The following ARRDC5 variants were observed in gnomAD, a reference collection of about 807,000 sequenced individuals.
ARRDC5 encodes arrestin domain-containing protein 5.
ARRDC5 carries 12 observed loss-of-function variants against 13.3 expected under a neutral mutation model. That is an observed-to-expected ratio of 0.90 (90% CI 0.58 to 1.46). The LOEUF (loss-of-function observed/expected upper bound fraction) is 1.46. Among genes scored for constraint, ARRDC5 ranks in the 40% most tolerant of loss-of-function variants. The probability of loss-of-function intolerance (pLI) is 0.00; values close to 1 mark genes in which losing one functional copy is unlikely to be tolerated. For missense variants in ARRDC5, 406 were observed against 418.7 expected (o/e 0.97, Z 0.26); for synonymous variants, 181 against 173.4 (o/e 1.04, Z -0.34).
the ARRDC5 span, chr19:4,910,823 G>C: frequency 6.5e-7 from 1 of 1,532,990 alleles, no homozygotes; most frequent in Non-Finnish European, 8.8e-7. Context: ...AGCATGGCAT[G>C]GCTCAGAGGT....
At chr19:4,916,195 A>G in the ARRDC5 span, among the ~76,000 whole-genome samples, 2 of 151,880 alleles carry the variant, frequency 1.3e-5, no homozygotes, top group African/African-American at 4.8e-5. Flanking sequence ...AGTCCTAGCT[A>G]CTCGGGAGGC....
chr19:4,911,411 G>A, the ARRDC5 span, among the ~76,000 whole-genome samples: 1 of 152,144 alleles, frequency 6.6e-6, no homozygotes, highest in African/African-American at 2.4e-5. Flanking sequence ...AGGACGGAGG[G>A]GACCAGGTTT....
At chr19:4,900,937 T>C (rs924700499) in intron 1 of ARRDC5, among the ~76,000 whole-genome samples, 3 of 151,796 alleles carry the variant, frequency 2.0e-5, no homozygotes, top group Non-Finnish European at 4.4e-5. Flanking sequence ...GACAATCGGT[T>C]GAACCCAGGA....
At chr19:4,907,956 C>A in the ARRDC5 span, among the ~76,000 whole-genome samples, 94 of 152,042 alleles carry the variant, frequency 6.2e-4, no homozygotes, top group East Asian at 0.017. Context: ...AGGTGATCTG[C>A]CTGCCTCGGC....
At chr19:4,898,665 C>CTTTTTTTTTTTTTTT (rs71170878) in intron 1 of ARRDC5, among the ~76,000 whole-genome samples, 8 of 130,584 alleles carry the variant, frequency 6.1e-5, no homozygotes, top group Admixed American at 8.3e-5. Flanking sequence ...CGGGCTTGGC[C>CTTTTTTTTTTTTTTT]TTTTTTTTTT....
At position 4,891,040 on chromosome 19, in the gene ARRDC5, G is replaced by A. The variant is rs771529783; in HGVS notation, c.*6C>T. The A allele has an allele frequency of 7.7e-5, 124 of 1,602,902 alleles. No homozygotes were observed. The highest frequency in any genetic ancestry group is 8.7e-5 in the Non-Finnish European group (102 of 1,175,288). ...TAAAGCTTTTAATATTTAAAAGTTC[G>A]GGCACTTAATTCTGGTGATCTGGGT... On this transcript the variant is annotated 3_prime_UTR_variant, in exon 3 of 3. Transcript: ENST00000650722.
upstream of ARRDC5, among the ~76,000 whole-genome samples, chr19:4,905,108 CTTTTTTTTTTTTTTTT>C (rs61443004): frequency 1.1e-5 from 1 of 95,192 alleles, no homozygotes; most frequent in African/African-American, 5.1e-5. Flanking sequence ...CGTAAACTTT[CTTTTTTTTTTTTTTTT>C]TTTTTTTTTT....
At chr19:4,907,954 T>C in the ARRDC5 span, among the ~76,000 whole-genome samples, 1 of 151,980 alleles carries the variant, frequency 6.6e-6, no homozygotes, top group East Asian at 1.9e-4. Context: ...TCAGGTGATC[T>C]GCCTGCCTCG....
chr19:4,896,273 C>CA (rs148493580), intron 2 of ARRDC5, among the ~76,000 whole-genome samples: 34,328 of 141,916 alleles, frequency 0.24, 4,839 homozygotes, highest in East Asian at 0.58. Context: ...CGAGATCATG[C>CA]CTCTGCACTT....
the ARRDC5 span, among the ~76,000 whole-genome samples, chr19:4,916,021 A>C: frequency 6.6e-6 from 1 of 151,956 alleles, no homozygotes; most frequent in Non-Finnish European, 1.5e-5. Context: ...AGTGTGTTAG[A>C]AGTTGAGGCC....
At chr19:4,911,044 C>T in the ARRDC5 span, 1 of 1,576,888 alleles carries the variant, frequency 6.3e-7, no homozygotes, top group African/African-American at 1.4e-5. Flanking sequence ...AACAGGTACA[C>T]CCGCCGCCAG....
chr19:4,909,181 C>A, the ARRDC5 span: 1 of 393,916 alleles, frequency 2.5e-6, no homozygotes, highest in East Asian at 4.7e-5. Context: ...TGGGGGGCTG[C>A]GAACGGACTT....
chr19:4,891,144 T>C lies in ARRDC5; in HGVS notation c.889A>G (p.Lys297Glu), dbSNP rs756973291. The C allele has an allele frequency of 3.7e-6, 6 of 1,613,860 alleles. No individual in the cohort carries two copies. The highest frequency in any genetic ancestry group is 4.2e-6 in the Non-Finnish European group (5 of 1,179,886). The change falls in exon 3 of 3, where the codon AAA (lysine) becomes GAA (glutamate). Residue 297 changes from lysine (K) to glutamate (E), a missense_variant. Transcript: ENST00000650722. ...GCGCTGGTGATGATGATGGGAACTT[T>C]GGCCTTGAGGCTGGTCAGGGACCAG... ...LPWSLTSLKA[K>E]VPIIITSASV... is the part of the protein sequence containing the mutation.
At chr19:4,911,188 A>C in the ARRDC5 span, 1 of 721,558 alleles carries the variant, frequency 1.4e-6, no homozygotes, top group Non-Finnish European at 2.1e-6. Context: ...GTCCACAGAA[A>C]CCTCAAATGC....
At chr19:4,909,676 G>A in the ARRDC5 span, 1 of 521,530 alleles carries the variant, frequency 1.9e-6, no homozygotes. Flanking sequence ...GGGCCGGGTC[G>A]GGGTGCCAGC....
the ARRDC5 span, chr19:4,909,177 G>A: frequency 5.2e-6 from 2 of 386,800 alleles, no homozygotes; most frequent in African/African-American, 2.1e-5. Context: ...CGAGTGGGGG[G>A]CTGCGAACGG....
upstream of ARRDC5, among the ~76,000 whole-genome samples, chr19:4,905,108 C>CTTTT (rs61443004): frequency 2.2e-4 from 21 of 95,186 alleles, 1 homozygote; most frequent in Non-Finnish European, 3.6e-4. Context: ...CGTAAACTTT[C>CTTTT]TTTTTTTTTT....
chr19:4,909,948 G>A, the ARRDC5 span, among the ~76,000 whole-genome samples: 1 of 151,112 alleles, frequency 6.6e-6, no homozygotes, highest in Non-Finnish European at 1.5e-5. Flanking sequence ...CTGCGCGCGG[G>A]GCGCCCCGCG....
upstream of ARRDC5, chr19:4,903,091 A>G: frequency 2.3e-6 from 1 of 436,518 alleles, no homozygotes; most frequent in Non-Finnish European, 4.2e-6. Context: ...CAGGGGTGCC[A>G]TCTTGGCTCA....
Sources: allele counts gnomAD v4.1 joint callset (sites outside exome capture counted in the v4.1 genomes callset), GRCh38; gene constraint gnomAD v4.1.1; transcripts MANE v1.5; gene names NCBI Gene and HGNC (gene_info 2026-07-23, HGNC 2026-07-21).